ELAVL2: variants seen among roughly 807,000 people sequenced by gnomAD.
ELAVL2 encodes ELAV-like protein 2.
In ELAVL2, 4 loss-of-function variants were observed where a neutral mutation model predicts 34.6. The ratio of observed to expected loss-of-function variants is 0.12; its 90% CI spans 0.06 to 0.26. The LOEUF is 0.26. Ranked by LOEUF, ELAVL2 falls within the 10% of genes least tolerant of loss-of-function variation. The probability of loss-of-function intolerance (pLI) is 1.00; values close to 1 mark genes in which losing one functional copy is unlikely to be tolerated. For synonymous variants in ELAVL2, 193 were observed against 154.8 expected, an observed-to-expected ratio of 1.25 and a Z score of -1.83; for missense variants, 432 against 442.8, an observed-to-expected ratio of 0.98 and a Z score of 0.22.
At chr9:23,823,282 C>A (rs549526171) in intron 1 of ELAVL2, among the ~76,000 whole-genome samples, 41 of 152,300 alleles carry the variant, frequency 2.7e-4, no homozygotes, top group African/African-American at 9.9e-4. Context: ...GCTAAAAATG[C>A]CTATTTCCAA....
chr9:23,768,351 T>C (rs547118466), intron 1 of ELAVL2, among the ~76,000 whole-genome samples: 11 of 151,834 alleles, frequency 7.2e-5, no homozygotes, highest in African/African-American at 2.7e-4. Flanking sequence ...TTGTACAAAC[T>C]AAGCATTGAA....
chr9:23,780,819 G>T (rs1271272346), intron 1 of ELAVL2, among the ~76,000 whole-genome samples: 1 of 152,154 alleles, frequency 6.6e-6, no homozygotes. Context: ...CCAAAAAAGG[G>T]CAAGTCACAA....
chr9:23,779,574 C>A (rs932192164), intron 1 of ELAVL2, among the ~76,000 whole-genome samples: 1 of 152,044 alleles, frequency 6.6e-6, no homozygotes, highest in African/African-American at 2.4e-5. Context: ...GCAACACTGT[C>A]CCTAGGTGCA....
intron 1 of ELAVL2, among the ~76,000 whole-genome samples, chr9:23,767,770 C>T (rs1246187804): frequency 2.0e-5 from 3 of 152,108 alleles, no homozygotes; most frequent in Admixed American, 6.6e-5. Flanking sequence ...GAGACTCTGT[C>T]TCCAAAATAA....
At chr9:23,777,603 C>G (rs1588402525) in intron 1 of ELAVL2, among the ~76,000 whole-genome samples, 2 of 152,062 alleles carry the variant, frequency 1.3e-5, no homozygotes, top group Non-Finnish European at 1.5e-5. Context: ...ATTCTTTATT[C>G]TCCATTTCTA....
chr9:23,781,223 C>G (rs1215393820), intron 1 of ELAVL2, among the ~76,000 whole-genome samples: 1 of 152,198 alleles, frequency 6.6e-6, no homozygotes, highest in Admixed American at 6.5e-5. Context: ...TCTCAAGGCA[C>G]TAACCTTCTT....
intron 2 of ELAVL2, among the ~76,000 whole-genome samples, chr9:23,746,313 T>C (rs910516515): frequency 6.6e-5 from 10 of 152,256 alleles, no homozygotes; most frequent in Middle Eastern, 3.4e-3. Context: ...AAGCTTACTT[T>C]TGAGTTAAAA....
At chr9:23,693,816 A>T (rs910151194) in intron 5 of ELAVL2, among the ~76,000 whole-genome samples, 2 of 152,194 alleles carry the variant, frequency 1.3e-5, no homozygotes, top group Admixed American at 1.3e-4. Context: ...ATCAATGTAT[A>T]GCTACATGTT....
chr9:23,840,333 G>A, the ELAVL2 span, among the ~76,000 whole-genome samples: 1 of 152,094 alleles, frequency 6.6e-6, no homozygotes, highest in Non-Finnish European at 1.5e-5. Flanking sequence ...TTCTTTTCAA[G>A]TACAGATGCC....
At chr9:23,720,757 C>T (rs1176101596) in intron 3 of ELAVL2, among the ~76,000 whole-genome samples, 1 of 152,134 alleles carries the variant, frequency 6.6e-6, no homozygotes, top group Admixed American at 6.5e-5. Context: ...TTAAAATAAG[C>T]ACCACAGACC....
chr9:23,702,167 A>G (rs943783166), intron 4 of ELAVL2, among the ~76,000 whole-genome samples: 2 of 152,150 alleles, frequency 1.3e-5, no homozygotes, highest in Admixed American at 6.5e-5. Context: ...GTCCTTTAGG[A>G]AAAAAATGCC....
At chr9:23,823,295 CG>C (rs2065061219) in intron 1 of ELAVL2, among the ~76,000 whole-genome samples, 1 of 152,156 alleles carries the variant, frequency 6.6e-6, no homozygotes, top group African/African-American at 2.4e-5. Flanking sequence ...ATTTCCAAAA[CG>C]TTAGGCGAAA....
Position 23,825,968 on chromosome 9 carries a change from C to A in ELAVL2, c.-178G>T, listed in dbSNP as rs541569315. On this transcript the variant is annotated 5_prime_UTR_variant, in exon 1 of 7. Transcript: ENST00000397312. Reference sequence around the variant, plus strand: ...AAATAAAAAGAAACGCTTTCGACCCCAAAGTCCAATGCTAAAAGAAATGGC... The same window carrying A: ...AAATAAAAAGAAACGCTTTCGACCCAAAAGTCCAATGCTAAAAGAAATGGC... 6.6e-6 allele frequency: 1 copy of A among 152,080 alleles called. No homozygotes were observed. Among genetic ancestry groups the A allele is most frequent in the South Asian group, 2.1e-4 (1 of 4,818 alleles). The allele number at this position is 152,080 out of a possible 1,614,324, so 9.4% of individuals were successfully genotyped here. A position where few individuals can be genotyped will look rare whatever the true frequency, so the allele number is the denominator to read the frequency against.
At chr9:23,812,548 C>T (rs1455460255) in intron 1 of ELAVL2, among the ~76,000 whole-genome samples, 3 of 152,044 alleles carry the variant, frequency 2.0e-5, no homozygotes, top group Non-Finnish European at 4.4e-5. Context: ...TGAGATGCTG[C>T]AGGGAGCATC....
chr9:23,699,757 G>C (rs766381559), intron 5 of ELAVL2, among the ~76,000 whole-genome samples: 4 of 139,476 alleles, frequency 2.9e-5, no homozygotes, highest in African/African-American at 1.1e-4. Context: ...GCAGCCCCAC[G>C]CATCTCCCAC....
the ELAVL2 span, among the ~76,000 whole-genome samples, chr9:23,837,156 A>G: frequency 6.6e-6 from 1 of 152,156 alleles, no homozygotes; most frequent in Admixed American, 6.5e-5. Context: ...CTCAGCATAT[A>G]ATGTTTCTGA....
At chr9:23,789,294 T>C (rs2060066862) in intron 1 of ELAVL2, among the ~76,000 whole-genome samples, 1 of 152,188 alleles carries the variant, frequency 6.6e-6, no homozygotes, top group African/African-American at 2.4e-5. Context: ...CAAGTTTTCC[T>C]AAATGGTAAG....
intron 1 of ELAVL2, among the ~76,000 whole-genome samples, chr9:23,773,307 A>T (rs2057637454): frequency 6.6e-6 from 1 of 152,200 alleles, no homozygotes; most frequent in African/African-American, 2.4e-5. Flanking sequence ...CACATCAGGC[A>T]CATACACCCA....
the ELAVL2 span, among the ~76,000 whole-genome samples, chr9:23,846,412 A>T: frequency 6.6e-6 from 1 of 151,988 alleles, no homozygotes; most frequent in East Asian, 1.9e-4. Flanking sequence ...ATTTTATGAC[A>T]TTACCAAATG....
Sources: allele counts gnomAD v4.1 joint callset (sites outside exome capture counted in the v4.1 genomes callset), GRCh38; gene constraint gnomAD v4.1.1; transcripts MANE v1.5; gene names NCBI Gene and HGNC (gene_info 2026-07-23, HGNC 2026-07-21).